The following PLSCR4 variants were observed in gnomAD, a reference collection of about 807,000 sequenced individuals.
PLSCR4 encodes Ca(2+)-dependent phospholipid scramblase 4.
Under a neutral mutation model 36.3 loss-of-function variants are expected in PLSCR4, and 25 were observed. That is an observed-to-expected ratio of 0.69 (90% CI 0.50 to 0.96). PLSCR4 has a LOEUF of 0.96. PLSCR4 is among the 40% of genes least tolerant of loss of function. The probability of loss-of-function intolerance (pLI) is 0.00; values close to 1 mark genes in which losing one functional copy is unlikely to be tolerated. For missense variants in PLSCR4, 408 were observed against 414.7 expected (o/e 0.98, Z 0.14); for synonymous variants, 122 against 132.9 (o/e 0.92, Z 0.56).
chr3:146,250,779 A>G (rs1162578333), intron 1 of PLSCR4, 181 bp downstream of exon 1: 1 of 151,968 alleles, frequency 6.6e-6, no homozygotes, highest in Non-Finnish European at 1.5e-5. Flanking sequence ...TTCTGCAACC[A>G]CCTGAGGATG....
At chr3:146,243,249 T>C (rs2036220020) in intron 1 of PLSCR4, among the ~76,000 whole-genome samples, 1 of 152,168 alleles carries the variant, frequency 6.6e-6, no homozygotes, top group Non-Finnish European at 1.5e-5. Context: ...TTTTTTTTTA[T>C]TATACTTTAA....
At chr3:146,200,365 T>G (rs1444712143) in intron 5 of PLSCR4, among the ~76,000 whole-genome samples, 2 of 152,112 alleles carry the variant, frequency 1.3e-5, no homozygotes, top group African/African-American at 4.8e-5. Context: ...TTTAAAAAAA[T>G]TATACATTTG....
chr3:146,206,774 G>A lies in PLSCR4; in HGVS notation c.119-13C>T. 6.6e-7 allele frequency: 1 copy of A among 1,508,326 alleles called. No homozygotes were observed. The highest frequency in any genetic ancestry group is 9.0e-7 in the Non-Finnish European group (1 of 1,106,036). 93.4% of individuals were successfully genotyped at this position (1,508,326 alleles called of 1,614,324 possible). A position where few individuals can be genotyped will look rare whatever the true frequency, so the allele number is the denominator to read the frequency against. On this transcript the variant is annotated splice_polypyrimidine_tract_variant and intron_variant, in intron 3 of 8. Coordinates refer to ENST00000354952, the MANE Select transcript of PLSCR4 (RefSeq NM_020353.3). ...GTTCCAGGGGGTCCTGTGTTCAAAA[G>A]AAATCAAAGTGTTATATATTATTAA... is the stretch of plus-strand genomic sequence containing the variant.
Position 146,196,697 on chromosome 3 carries a change from C to G in PLSCR4, c.721G>C (p.Glu241Gln). 2 of 1,614,032 alleles carry G rather than the reference C, an allele frequency of 1.2e-6. No homozygotes were observed. Among genetic ancestry groups the G allele is most frequent in the Non-Finnish European group, 1.7e-6 (2 of 1,179,924 alleles). ...AVYSIQNEKK[E>Q]NVMRVRGPCS... is the part of the protein sequence containing the mutation. ...GGCCCACGAACTCTCATCACATTTT[C>G]TTTCTTCTCATTTTGGATGCTGTAC... Residue 241 changes from glutamate (E) to glutamine (Q), a missense_variant, in exon 7 of 9, where the codon GAA (glutamate) becomes CAA (glutamine). By Grantham distance (29) the Glu-to-Gln change is conservative. Transcript: ENST00000354952.
chr3:146,195,638 A>C (rs1429782424), intron 7 of PLSCR4, among the ~76,000 whole-genome samples: 1 of 152,140 alleles, frequency 6.6e-6, no homozygotes, highest in Non-Finnish European at 1.5e-5. Flanking sequence ...ATGAGCAAAA[A>C]CCGGGAAACA....
intron 6 of PLSCR4, among the ~76,000 whole-genome samples, chr3:146,198,228 TG>T (rs2033854975): frequency 6.6e-6 from 1 of 152,100 alleles, no homozygotes; most frequent in Non-Finnish European, 1.5e-5. Context: ...TTGGTGATGA[TG>T]GAACTGTTTG....
At chr3:146,229,935 T>C (rs527758241) in intron 1 of PLSCR4, among the ~76,000 whole-genome samples, 1 of 152,310 alleles carries the variant, frequency 6.6e-6, no homozygotes, top group African/African-American at 2.4e-5. Flanking sequence ...ATTTTTATCC[T>C]TTATAATAAA....
intron 3 of PLSCR4, among the ~76,000 whole-genome samples, chr3:146,212,985 T>C (rs745597121): frequency 6.6e-6 from 1 of 152,202 alleles, no homozygotes; most frequent in Non-Finnish European, 1.5e-5. Flanking sequence ...GTGGTGTTTG[T>C]ACTATATTTT....
intron 3 of PLSCR4, among the ~76,000 whole-genome samples, chr3:146,212,505 C>T (rs1478369551): frequency 6.9e-6 from 1 of 145,692 alleles, no homozygotes; most frequent in African/African-American, 2.5e-5. Context: ...GGCTGAAGTG[C>T]AGTAGTATGA....
At chr3:146,248,589 A>G (rs2036436198) in intron 1 of PLSCR4, among the ~76,000 whole-genome samples, 1 of 152,150 alleles carries the variant, frequency 6.6e-6, no homozygotes, top group Non-Finnish European at 1.5e-5. Context: ...TAGAGCTACA[A>G]TGTTTTAAAC....
intron 1 of PLSCR4, among the ~76,000 whole-genome samples, chr3:146,240,762 T>C (rs1020861549): frequency 2.0e-5 from 3 of 152,202 alleles, no homozygotes; most frequent in Non-Finnish European, 4.4e-5. Context: ...TGAAAATCAG[T>C]CTGGCAGTTC....
intron 3 of PLSCR4, among the ~76,000 whole-genome samples, chr3:146,215,235 T>C: frequency 6.6e-6 from 1 of 152,108 alleles, no homozygotes; most frequent in Non-Finnish European, 1.5e-5. Context: ...AATATGAAAC[T>C]GTATTATTAG....
At chr3:146,210,364 C>A (rs566339164) in intron 3 of PLSCR4, among the ~76,000 whole-genome samples, 1 of 151,894 alleles carries the variant, frequency 6.6e-6, no homozygotes, top group African/African-American at 2.4e-5. Flanking sequence ...AAATCTGAAG[C>A]CTTAGTGACA....
chr3:146,205,875 AT>A (rs146562352), intron 4 of PLSCR4, among the ~76,000 whole-genome samples: 1,883 of 152,132 alleles, frequency 0.012, 32 homozygotes, highest in African/African-American at 0.043. Context: ...AGTTTCAGAC[AT>A]GGGTTTTTAA....
rs1670573560 is a variant in PLSCR4 at position 146,201,029 on chromosome 3, A to T, written c.397+6T>A. 1 of 1,548,936 alleles carries T rather than the reference A, an allele frequency of 6.5e-7. No homozygotes were observed. Among genetic ancestry groups the T allele is most frequent in the East Asian group, 2.4e-5 (1 of 42,240 alleles). Reference sequence around the variant, plus strand: ...TACTGCTGAGCACTACAAAAATTATACATACTTTCCAGAGGCTCAAAATGC... The same window carrying T: ...TACTGCTGAGCACTACAAAAATTATTCATACTTTCCAGAGGCTCAAAATGC... On this transcript the variant is annotated splice_donor_region_variant and intron_variant, in intron 5 of 8. Transcript: ENST00000354952.
Position 146,200,004 on chromosome 3 carries a change from TATC to T in PLSCR4, c.430_432del (p.Asp144del). ...ACCATCTGGTCTGAGTTGTTTTTAA[TATC>T]ATATCTATTATTAGTTTCAAAACAT... On this transcript the variant is annotated inframe_deletion, in exon 6 of 9. Transcript: ENST00000354952. 6.2e-7 allele frequency: 1 copy of T among 1,602,358 alleles called. No individual in the cohort carries two copies. The highest frequency in any genetic ancestry group is 1.1e-5 in the South Asian group (1 of 90,834).
intron 1 of PLSCR4, among the ~76,000 whole-genome samples, chr3:146,243,247 T>TA (rs941906774): frequency 7.9e-5 from 12 of 152,136 alleles, no homozygotes; most frequent in Non-Finnish European, 1.6e-4. Context: ...TCTTTTTTTT[T>TA]ATTATACTTT....
In PLSCR4 at chr3:146,199,688, CACT is replaced by C. The variant is rs2033940005; in HGVS notation, c.624+122_624+124del. ...GAGACAATTTGGTTTCCTCCCTCCC[CACT>C]ATCTTCTTCCATTCTGGCTGGCAGG... On this transcript the variant is annotated intron_variant, in intron 6 of 8. Coordinates refer to ENST00000354952, the MANE Select transcript of PLSCR4 (RefSeq NM_020353.3). 10 of 789,454 alleles carry C rather than the reference CACT, an allele frequency of 1.3e-5. No homozygotes were observed. In the South Asian group the frequency reaches 1.8e-4, roughly 14 times the overall value. The allele number at this position is 789,454 out of a possible 1,614,324, so 48.9% of individuals were successfully genotyped here.
chr3:146,201,776 A>C (rs545653136), intron 4 of PLSCR4, among the ~76,000 whole-genome samples: 1 of 152,154 alleles, frequency 6.6e-6, no homozygotes, highest in African/African-American at 2.4e-5. Flanking sequence ...ACCATTAGAG[A>C]AATTTCTATC....
Sources: gnomAD v4.1 joint callset for allele counts (sites outside exome capture counted in the v4.1 genomes callset) on GRCh38, gnomAD v4.1.1 for gene constraint, MANE v1.5 for transcripts, NCBI Gene and HGNC (gene_info 2026-07-23, HGNC 2026-07-21) for gene names.